The following TRRAP variants were observed in gnomAD, a reference collection of about 807,000 sequenced individuals.
TRRAP encodes the protein transformation/transcription domain associated protein.
Under a neutral mutation model 438.8 loss-of-function variants are expected in TRRAP, and 41 were observed. The observed-to-expected ratio is 0.09, with a 90% CI of 0.07 to 0.12. The LOEUF (loss-of-function observed/expected upper bound fraction) is 0.12, where lower values mean the gene tolerates loss of function less well. Among genes scored for constraint, TRRAP ranks in the 10% least tolerant of loss-of-function variants. The pLI, the probability that TRRAP is intolerant of heterozygous loss-of-function variation, is 1.00. For synonymous variants in TRRAP, 1,994 were observed against 1,962.9 expected (o/e 1.02, Z -0.42); for missense variants, 3,122 against 5,055.1 (o/e 0.62, Z 11.60).
intron 62 of TRRAP, 47 bp from the exon 63 acceptor site, chr7:98,988,718 G>A (rs1266838742): frequency 6.9e-6 from 11 of 1,594,774 alleles, no homozygotes; most frequent in South Asian, 1.1e-5. Context: ...CGTGAAGCTC[G>A]CTTCAATTGA....
intron 58 of TRRAP, among the ~76,000 whole-genome samples, chr7:98,980,850 T>G (rs1319621896): frequency 6.6e-6 from 1 of 151,982 alleles, no homozygotes; most frequent in African/African-American, 2.4e-5. Context: ...GCCCAGGAGT[T>G]TGAGACCAGC....
At chr7:98,983,942 G>A (rs1446730063) in intron 60 of TRRAP, 151 bp from the exon 61 acceptor site, 2 of 1,017,194 alleles carry the variant, frequency 2.0e-6, no homozygotes, top group Non-Finnish European at 1.3e-6. Context: ...GTTGCTTATG[G>A]CATAAAATAC....
At position 98,999,271 on chromosome 7, in the gene TRRAP, C is replaced by T. The variant is rs190198207; in HGVS notation, c.10309+4423C>T. Reference sequence around the variant, plus strand: ...CCCAGCTTCTCGCAGAAACAGATGTCGTACAGGAACAGTCTACTATTAAAG... The same window carrying T: ...CCCAGCTTCTCGCAGAAACAGATGTTGTACAGGAACAGTCTACTATTAAAG... On this transcript the variant is annotated intron_variant, in intron 67 of 72. Transcript: ENST00000456197. 1.4e-4 allele frequency: 166 copies of T among 1,179,546 alleles called. 1 individual carries two copies. The highest frequency in any genetic ancestry group is 7.2e-4 in the East Asian group (31 of 42,768). 73.1% of individuals were successfully genotyped at this position (1,179,546 alleles called of 1,614,324 possible).
intron 68 of TRRAP, 76 bp downstream of exon 68, chr7:99,004,491 G>A: frequency 7.7e-7 from 1 of 1,296,216 alleles, no homozygotes; most frequent in Non-Finnish European, 1.1e-6. Context: ...GCTCCAGGGT[G>A]GACCCTGTGG....
Position 99,005,390 on chromosome 7 carries a change from TCA to T in TRRAP, c.10753+45_10753+46del, listed in dbSNP as rs1794115159. The T allele has an allele frequency of 6.3e-7, 1 of 1,597,154 alleles. No homozygotes were observed. The highest frequency in any genetic ancestry group is 1.1e-5 in the South Asian group (1 of 90,452). On this transcript the variant is annotated intron_variant, in intron 69 of 72. Transcript: ENST00000456197. This position sits in a 1 kb window ranked among gnomAD's most constrained non-coding sequence, Gnocchi z 5.1. ...CAGCTCGCTGGGTACACAGGCAGCT[TCA>T]CAGGTGGGGATGAGAGCCACACCTC...
intron 29 of TRRAP, 78 bp downstream of exon 29, chr7:98,937,355 C>T (rs1271494720): frequency 6.5e-7 from 1 of 1,530,496 alleles, no homozygotes; most frequent in Non-Finnish European, 8.7e-7. Context: ...AGAGTTCTTC[C>T]TGTTTATTGC....
intron 26 of TRRAP, among the ~76,000 whole-genome samples, chr7:98,933,024 A>ATTTTTTTTTTTTTTTTTTTTT (rs1790394817): frequency 6.9e-6 from 1 of 145,488 alleles, no homozygotes. Flanking sequence ...TTTTTTTTTA[A>ATTTTTTTTTTTTTTTTTTTTT]TTTTTAAAGA....
intron 2 of TRRAP, 199 bp from the exon 3 acceptor site, chr7:98,881,762 TGTATATGCTTGTCA>T: frequency 1.9e-6 from 1 of 524,186 alleles, no homozygotes. Context: ...TGTGTGTGTG[TGTATATGCTTGTCA>T]GTGCATGCAC....
chr7:98,999,685 T>A (rs895275532), intron 67 of TRRAP: 2 of 910,304 alleles, frequency 2.2e-6, no homozygotes, highest in Non-Finnish European at 3.6e-6. Context: ...GGATGGATAA[T>A]CTGGTGGCAG....
At position 98,933,377 on chromosome 7, in the gene TRRAP, T is replaced by C; in HGVS notation, c.3989T>C (p.Val1330Ala). The stretch of plus-strand genomic sequence containing the variant: ...CTCTTCACAATGGACCTTAACGTGG[T>C]GGAGCATAAGGTGTTCTACACAGAG... The part of the protein sequence containing the change: ...PRLFTMDLNV[V>A]EHKVFYTELL... Residue 1330 changes from valine (V) to alanine (A), a missense_variant, in exon 27 of 73, where the codon GTG (valine) becomes GCG (alanine). This residue lies in a region of TRRAP where 84 missense variants were observed against 119.8 expected (regional missense o/e 0.70). Coordinates refer to ENST00000456197, the MANE Select transcript of TRRAP (RefSeq NM_001375524.1). 1 of 1,613,980 alleles carries C rather than the reference T, an allele frequency of 6.2e-7. No individual in the cohort carries two copies. The highest frequency in any genetic ancestry group is 8.5e-7 in the Non-Finnish European group (1 of 1,179,996).
At chr7:99,010,909 C>A in intron 70 of TRRAP, 143 bp from the exon 71 acceptor site, 1 of 856,478 alleles carries the variant, frequency 1.2e-6, no homozygotes, top group Non-Finnish European at 1.8e-6. Context: ...AGTCTCCTAA[C>A]AATGCGTGCG....
chr7:98,967,336 T>C (rs1372396676), intron 50 of TRRAP, 149 bp from the exon 51 acceptor site: 1 of 1,239,762 alleles, frequency 8.1e-7, no homozygotes, highest in Non-Finnish European at 1.1e-6. Flanking sequence ...TGTGTTGTAA[T>C]GCTGCATGAG....
chr7:98,973,599 C>T (rs923964727), intron 53 of TRRAP, among the ~76,000 whole-genome samples: 6 of 152,182 alleles, frequency 3.9e-5, no homozygotes, highest in African/African-American at 9.7e-5. Flanking sequence ...GCTGAAATCT[C>T]GGCAGATCTC....
chr7:98,970,412 G>A (rs1792360585), intron 52 of TRRAP, 121 bp downstream of exon 52: 3 of 1,281,240 alleles, frequency 2.3e-6, no homozygotes, highest in Non-Finnish European at 3.2e-6. Flanking sequence ...CAGAGAGGAG[G>A]TGAGGCCCCG....
intron 18 of TRRAP, among the ~76,000 whole-genome samples, chr7:98,914,682 A>G: frequency 7.6e-6 from 1 of 131,412 alleles, no homozygotes; most frequent in South Asian, 2.7e-4. Context: ...GCCACTGACT[A>G]TACTCCAGCC....
At position 98,993,133 on chromosome 7, in the gene TRRAP, G is replaced by A. The variant is rs182329918; in HGVS notation, c.9848-405G>A. On this transcript the variant is annotated intron_variant, in intron 65 of 72. Coordinates refer to ENST00000456197, the MANE Select transcript of TRRAP (RefSeq NM_001375524.1). ...CTCTGAGTTTATAGTAGCAAGGAAC[G>A]TGTAACAGATTGTGAGATATTTTTC... 1.1e-4 allele frequency among the ~76,000 whole-genome samples: 16 copies of A among 152,286 alleles called. No individual in the cohort carries two copies. In the East Asian group the frequency reaches 2.3e-3, roughly 22 times the overall value.
intron 49 of TRRAP, 144 bp downstream of exon 49, chr7:98,966,039 A>G (rs1792136959): frequency 6.9e-6 from 7 of 1,010,982 alleles, no homozygotes; most frequent in Non-Finnish European, 8.7e-6. Context: ...ATTAAGATGG[A>G]TTTTTGTCTG....
chr7:99,010,918 C>T (rs1186457628), intron 70 of TRRAP, 134 bp from the exon 71 acceptor site: 23 of 919,362 alleles, frequency 2.5e-5, no homozygotes, highest in South Asian at 3.4e-5. Context: ...ACAATGCGTG[C>T]GTTAAATCTG....
At chr7:98,999,769 G>T in intron 67 of TRRAP, 1 of 586,612 alleles carries the variant, frequency 1.7e-6, no homozygotes, top group Non-Finnish European at 3.1e-6. Flanking sequence ...GCACTCATCT[G>T]AATTGCCGCT....
Sources: gnomAD v4.1 joint callset for allele counts (sites outside exome capture counted in the v4.1 genomes callset) on GRCh38, gnomAD v4.1.1 for gene constraint, gnomAD v4.1.1 regional missense constraint, Gnocchi (gnomAD v3.1) non-coding constraint, MANE v1.5 for transcripts, NCBI Gene and HGNC (gene_info 2026-07-23, HGNC 2026-07-21) for gene names.